The following HCN1 variants were observed in gnomAD, a reference collection of about 807,000 sequenced individuals.
HCN1 encodes potassium/sodium hyperpolarization-activated cyclic nucleotide-gated channel 1.
Under a neutral mutation model 78.9 loss-of-function variants are expected in HCN1, and 13 were observed. That is an observed-to-expected ratio of 0.16 (90% CI 0.11 to 0.26). HCN1 has a LOEUF of 0.26. Among genes scored for constraint, HCN1 ranks in the 10% least tolerant of loss-of-function variants. HCN1 has a pLI of 1.00. For missense variants in HCN1, 810 were observed against 1,154.3 expected, an observed-to-expected ratio of 0.70 and a Z score of 4.32; for synonymous variants, 552 against 455.5, an observed-to-expected ratio of 1.21 and a Z score of -2.70.
intron 2 of HCN1, among the ~76,000 whole-genome samples, chr5:45,632,167 CATA>C (rs974762280): frequency 2.0e-5 from 3 of 151,896 alleles, no homozygotes; most frequent in Non-Finnish European, 4.4e-5. Flanking sequence ...AGGGGTCGAT[CATA>C]CTGGTTTCCT....
At chr5:45,303,363 A>G (rs574169045) in intron 6 of HCN1, among the ~76,000 whole-genome samples, 1 of 152,258 alleles carries the variant, frequency 6.6e-6, no homozygotes, top group East Asian at 1.9e-4. Context: ...AGCCCCTATT[A>G]TTTGGTTCCA....
chr5:45,374,110 A>G (rs1367447867), intron 4 of HCN1, among the ~76,000 whole-genome samples: 3 of 71,744 alleles, frequency 4.2e-5, no homozygotes, highest in African/African-American at 5.5e-5. Flanking sequence ...TATATATTAT[A>G]TACATAATAT....
intron 4 of HCN1, among the ~76,000 whole-genome samples, chr5:45,362,154 T>TTGTGTG (rs200176463): frequency 1.7e-3 from 246 of 142,632 alleles, no homozygotes; most frequent in African/African-American, 5.8e-3. Context: ...GTGTGTGTGT[T>TTGTGTG]TGTGTGTGTG....
chr5:45,447,418 G>A (rs1740822243), intron 3 of HCN1, among the ~76,000 whole-genome samples: 1 of 152,106 alleles, frequency 6.6e-6, no homozygotes, highest in Non-Finnish European at 1.5e-5. Context: ...GCTATTCAAA[G>A]TTTTTATAGA....
chr5:45,556,923 T>C (rs1011290211), intron 2 of HCN1, among the ~76,000 whole-genome samples: 2 of 152,002 alleles, frequency 1.3e-5, no homozygotes. Context: ...ACCTGAAATA[T>C]CACACGTTTA....
At chr5:45,502,298 T>A (rs1313861673) in intron 2 of HCN1, among the ~76,000 whole-genome samples, 1 of 149,816 alleles carries the variant, frequency 6.7e-6, no homozygotes, top group Non-Finnish European at 1.5e-5. Context: ...TGAAACCCCA[T>A]CTCTACTAAA....
At chr5:45,517,520 TAAAAAAAAAA>T (rs773490588) in intron 2 of HCN1, among the ~76,000 whole-genome samples, 4 of 94,368 alleles carry the variant, frequency 4.2e-5, no homozygotes, top group African/African-American at 1.2e-4. Context: ...AATTTCCCCT[TAAAAAAAAAA>T]AAAAAAAAAA....
chr5:45,656,785 C>A (rs1198164321), intron 1 of HCN1, among the ~76,000 whole-genome samples: 5 of 152,112 alleles, frequency 3.3e-5, no homozygotes, highest in Non-Finnish European at 5.9e-5. Flanking sequence ...TTCATAATAT[C>A]TTTTTCCTTC....
At chr5:45,471,780 T>C (rs1439378686) in intron 2 of HCN1, among the ~76,000 whole-genome samples, 1 of 151,982 alleles carries the variant, frequency 6.6e-6, no homozygotes, top group Non-Finnish European at 1.5e-5. Flanking sequence ...CCAAGATAAA[T>C]TTGAAATCAC....
chr5:45,280,963 A>G (rs1252158352), intron 6 of HCN1, among the ~76,000 whole-genome samples: 1 of 152,040 alleles, frequency 6.6e-6, no homozygotes, highest in Non-Finnish European at 1.5e-5. Flanking sequence ...AGTTTAATTA[A>G]CCAGGATAAA....
chr5:45,359,948 T>C (rs1231153489), intron 4 of HCN1, among the ~76,000 whole-genome samples: 2 of 150,718 alleles, frequency 1.3e-5, no homozygotes, highest in African/African-American at 4.9e-5. Context: ...TGAGTATATA[T>C]ATATATATAT....
intron 4 of HCN1, among the ~76,000 whole-genome samples, chr5:45,361,593 T>G (rs192131242): frequency 1.3e-5 from 2 of 152,326 alleles, no homozygotes; most frequent in Non-Finnish European, 1.5e-5. Context: ...ATATTACAAG[T>G]AAAGCGTGTT....
At chr5:45,580,893 T>C (rs1561208530) in intron 2 of HCN1, among the ~76,000 whole-genome samples, 3 of 152,212 alleles carry the variant, frequency 2.0e-5, no homozygotes. Context: ...CTGCATAGTA[T>C]TCCATGGTGT....
At chr5:45,545,055 A>C (rs986569709) in intron 2 of HCN1, among the ~76,000 whole-genome samples, 8 of 152,252 alleles carry the variant, frequency 5.3e-5, no homozygotes, top group African/African-American at 1.2e-4. Context: ...ACTAGTTTAC[A>C]GTCCCACCAA....
rs536998726 is a variant in HCN1, at chr5:45,321,527, A to G, written c.1378-17688T>C. Among the ~76,000 whole-genome samples, 27 of 151,848 alleles carry G rather than the reference A, an allele frequency of 1.8e-4. 1 individual carries two copies. Among genetic ancestry groups the G allele is most frequent in the African/African-American group, 6.5e-4 (27 of 41,482 alleles). ...ACGTAGAATTAAACCACAGCTTTAT[A>G]TTTTGCAATAGTGTATATTTCAAAA... On this transcript the variant is annotated intron_variant, in intron 5 of 7. Transcript: ENST00000303230.
At chr5:45,675,781 A>G (rs1208071957) in intron 1 of HCN1, among the ~76,000 whole-genome samples, 1 of 151,870 alleles carries the variant, frequency 6.6e-6, no homozygotes, top group Non-Finnish European at 1.5e-5. Context: ...TAGACATAAA[A>G]ACTTAAAGTA....
intron 5 of HCN1, among the ~76,000 whole-genome samples, chr5:45,349,150 G>T (rs1260054866): frequency 2.0e-5 from 3 of 152,146 alleles, no homozygotes; most frequent in African/African-American, 7.2e-5. Flanking sequence ...AAATGTAAAA[G>T]AACAGAAATT....
intron 7 of HCN1, 66 bp downstream of exon 7, chr5:45,267,023 T>A: frequency 7.2e-7 from 1 of 1,384,038 alleles, no homozygotes; most frequent in Non-Finnish European, 1.0e-6. Flanking sequence ...TTGGGACTTA[T>A]AATTGCAAAC....
chr5:45,372,273 A>G (rs1207999635), intron 4 of HCN1, among the ~76,000 whole-genome samples: 1 of 89,412 alleles, frequency 1.1e-5, no homozygotes, highest in African/African-American at 4.6e-5. Context: ...ATATATATTT[A>G]TATATATAAT....
Sources: allele counts gnomAD v4.1 joint callset (sites outside exome capture counted in the v4.1 genomes callset), GRCh38; gene constraint gnomAD v4.1.1; transcripts MANE v1.5; gene names NCBI Gene and HGNC (gene_info 2026-07-23, HGNC 2026-07-21).